Variants in HEG1 observed in about 807,000 individuals in gnomAD.
The protein encoded by HEG1 is heart development protein with EGF like domains 1, also known as protein HEG homolog 1.
HEG1 carries 56 observed loss-of-function variants against 125.6 expected under a neutral mutation model. The ratio of observed to expected loss-of-function variants is 0.45; its 90% CI spans 0.36 to 0.56. The LOEUF is 0.56. Ranked by LOEUF, HEG1 falls within the 20% of genes least tolerant of loss-of-function variation. The pLI, the probability that HEG1 is intolerant of heterozygous loss-of-function variation, is 0.00. For synonymous variants in HEG1, 644 were observed against 668.5 expected (o/e 0.96, Z 0.57); for missense variants, 1,523 against 1,670.0 (o/e 0.91, Z 1.53).
chr3:125,013,480 T>C lies in HEG1; in HGVS notation c.2099A>G (p.His700Arg), dbSNP rs764589159. ...TGCATCAGAGGTAGACTTTAGTAGA[T>C]GCACAGAGGCCCTGGTTGATGGTAA... ...SILPSTRASV[H>R]LLKSTSDAST... Residue 700 changes from histidine to arginine, a missense_variant, in exon 6 of 17, where the codon CAT (histidine) becomes CGT (arginine). His to Arg is a conservative substitution (Grantham distance 29, BLOSUM62 0). Transcript: ENST00000311127. The C allele has an allele frequency of 1.1e-5, 17 of 1,613,756 alleles. 1 individual carries two copies. The highest frequency in any genetic ancestry group is 1.7e-5 in the Admixed American group (1 of 60,008).
intron 14 of HEG1, among the ~76,000 whole-genome samples, chr3:124,989,522 G>A (rs1223122253): frequency 6.6e-6 from 1 of 152,118 alleles, no homozygotes; most frequent in Non-Finnish European, 1.5e-5. Context: ...TAATTTTGCA[G>A]ATAATTTCAA....
At chr3:125,028,486 C>T (rs1256179059) in intron 2 of HEG1, among the ~76,000 whole-genome samples, 2 of 152,170 alleles carry the variant, frequency 1.3e-5, no homozygotes, top group Non-Finnish European at 2.9e-5. Flanking sequence ...ACCTCACTCT[C>T]GTTGTCCAGG....
At chr3:125,038,641 CTGAGTTCATCA>C (rs1284849118) in intron 1 of HEG1, among the ~76,000 whole-genome samples, 1 of 152,204 alleles carries the variant, frequency 6.6e-6, no homozygotes, top group Non-Finnish European at 1.5e-5. Context: ...TTCTGAAGCC[CTGAGTTCATCA>C]GGGCCACTGT....
chr3:124,988,641 G>A (rs909068851), intron 14 of HEG1, among the ~76,000 whole-genome samples: 4 of 152,082 alleles, frequency 2.6e-5, no homozygotes, highest in African/African-American at 7.2e-5. Context: ...AACATCGGCC[G>A]GGCACGGTGG....
chr3:125,047,592 G>A (rs1937694002), intron 1 of HEG1, among the ~76,000 whole-genome samples: 1 of 152,168 alleles, frequency 6.6e-6, no homozygotes, highest in African/African-American at 2.4e-5. Context: ...GATGATCCCT[G>A]AAAAAGTCTC....
intron 16 of HEG1, among the ~76,000 whole-genome samples, chr3:124,973,042 G>A (rs1219176022): frequency 6.9e-6 from 1 of 143,988 alleles, no homozygotes; most frequent in Non-Finnish European, 1.5e-5. Context: ...ATTATTTTGA[G>A]ATAGGATCTC....
At chr3:124,983,223 T>G (rs1936682570) in intron 14 of HEG1, among the ~76,000 whole-genome samples, 2 of 152,228 alleles carry the variant, frequency 1.3e-5, no homozygotes, top group Non-Finnish European at 2.9e-5. Context: ...CTTGAACACA[T>G]TACAGAATTT....
At chr3:125,028,928 T>TGG (rs1937455531) in intron 2 of HEG1, among the ~76,000 whole-genome samples, 1 of 152,176 alleles carries the variant, frequency 6.6e-6, no homozygotes, top group Non-Finnish European at 1.5e-5. Flanking sequence ...CCCTCGGGTG[T>TGG]GGCAGGCTCC....
intron 8 of HEG1, among the ~76,000 whole-genome samples, chr3:125,009,232 T>G (rs1937115324): frequency 6.6e-6 from 1 of 151,164 alleles, no homozygotes; most frequent in Non-Finnish European, 1.5e-5. Context: ...TGAAAGAATG[T>G]GTGAATGTGG....
intron 14 of HEG1, among the ~76,000 whole-genome samples, chr3:124,985,184 C>T (rs1936718418): frequency 6.6e-6 from 1 of 152,006 alleles, no homozygotes; most frequent in South Asian, 2.1e-4. Context: ...GTGGGGAGCC[C>T]GAAGTTGCTC....
At chr3:124,975,521 T>C (rs1936518949) in intron 15 of HEG1, among the ~76,000 whole-genome samples, 1 of 152,242 alleles carries the variant, frequency 6.6e-6, no homozygotes, top group South Asian at 2.1e-4. Context: ...TCTCTTTCTG[T>C]ACATAGCTTT....
intron 1 of HEG1, among the ~76,000 whole-genome samples, chr3:125,053,058 C>T (rs1435496566): frequency 6.6e-6 from 1 of 152,196 alleles, no homozygotes; most frequent in Non-Finnish European, 1.5e-5. Context: ...CCAAATGGAG[C>T]ACGTTACTTG....
At chr3:125,053,568 T>C (rs1937863570) in intron 1 of HEG1, among the ~76,000 whole-genome samples, 1 of 152,188 alleles carries the variant, frequency 6.6e-6, no homozygotes, top group East Asian at 1.9e-4. Flanking sequence ...GTGGTGTCTG[T>C]GGGGCACCAG....
intron 11 of HEG1, among the ~76,000 whole-genome samples, chr3:124,999,463 C>T (rs891837600): frequency 6.6e-6 from 1 of 152,200 alleles, no homozygotes; most frequent in Non-Finnish European, 1.5e-5. Context: ...TCCAGGCTGA[C>T]ACTTGCCTTG....
chr3:124,982,117 G>T (rs2107688932), intron 14 of HEG1, among the ~76,000 whole-genome samples: 1 of 152,222 alleles, frequency 6.6e-6, no homozygotes, highest in South Asian at 2.1e-4. Flanking sequence ...GGCCAGGCTG[G>T]TCTCAAACTC....
chr3:125,002,700 T>G (rs1048437875), intron 9 of HEG1, among the ~76,000 whole-genome samples: 1 of 152,222 alleles, frequency 6.6e-6, no homozygotes, highest in African/African-American at 2.4e-5. Context: ...TCCTTTCAGC[T>G]ACTCTAGGTC....
rs1246973777 is a variant in HEG1 at position 124,967,700 on chromosome 3, A to C, written c.*2952T>G. The C allele has an allele frequency of 2.0e-5, 3 of 151,958 alleles. No individual in the cohort carries two copies. Among genetic ancestry groups the C allele is most frequent in the Admixed American group, 2.0e-4 (3 of 15,268 alleles). The allele number at this position is 151,958 out of a possible 1,614,324, so 9.4% of individuals were successfully genotyped here. ...CAGTCCTGCTTCTACAGGGCAAGCTATTTATCCTCTCTGAAGGTTTCTGTA... is the reference window on the plus strand; with the variant it reads ...CAGTCCTGCTTCTACAGGGCAAGCTCTTTATCCTCTCTGAAGGTTTCTGTA... On this transcript the variant is annotated 3_prime_UTR_variant, in exon 17 of 17. Coordinates refer to ENST00000311127, the MANE Select transcript of HEG1 (RefSeq NM_020733.2).
chr3:124,984,263 C>G (rs2076718), intron 14 of HEG1, among the ~76,000 whole-genome samples: 50,412 of 151,934 alleles, frequency 0.33, 8,869 homozygotes, highest in East Asian at 0.48. Flanking sequence ...AAGGCAGACT[C>G]TCACTCCCTG....
At chr3:124,990,338 TG>T (rs1352009656) in intron 14 of HEG1, among the ~76,000 whole-genome samples, 3 of 138,840 alleles carry the variant, frequency 2.2e-5, no homozygotes, top group Admixed American at 1.5e-4. Flanking sequence ...TGTTGTTTTT[TG>T]GGTTTTTTTT....
Sources: allele counts gnomAD v4.1 joint callset (sites outside exome capture counted in the v4.1 genomes callset), GRCh38; gene constraint gnomAD v4.1.1; transcripts MANE v1.5; gene names NCBI Gene and HGNC (gene_info 2026-07-23, HGNC 2026-07-21).